Variants in PSME4 observed in about 807,000 individuals in gnomAD.
The protein encoded by PSME4 is proteasome activator subunit 4.
A neutral mutation model predicts 253.9 loss-of-function variants in PSME4; 89 were observed. The ratio of observed to expected loss-of-function variants is 0.35; its 90% CI spans 0.30 to 0.42. The LOEUF is 0.42. PSME4 is among the 10% of genes least tolerant of loss of function. The pLI, the probability that PSME4 is intolerant of heterozygous loss-of-function variation, is 1.00. For synonymous variants in PSME4, 851 were observed against 759.2 expected, an observed-to-expected ratio of 1.12 and a Z score of -1.99; for missense variants, 2,014 against 2,195.2, an observed-to-expected ratio of 0.92 and a Z score of 1.65.
At chr2:53,951,700 C>T (rs1304303297) in intron 1 of PSME4, among the ~76,000 whole-genome samples, 1 of 152,182 alleles carries the variant, frequency 6.6e-6, no homozygotes, top group Non-Finnish European at 1.5e-5. Context: ...AAAGGAAATG[C>T]TCATGGAGTT....
rs185541744 is a variant in PSME4, at chr2:53,966,703, G to T, written c.242+3840C>A. On this transcript the variant is annotated intron_variant, in intron 1 of 46. Transcript: ENST00000404125. ...AGAGGGCAAAATCAAGTTTTTTGGG[G>T]TTTTTTTCTTTGTTGTTGTTTTTAA... is the stretch of plus-strand genomic sequence containing the variant. Among the ~76,000 whole-genome samples the T allele has an allele frequency of 3.9e-5, 6 of 152,162 alleles. No homozygotes were observed. The East Asian group carries it at 7.7e-4, about 20-fold the overall frequency.
intron 41 of PSME4, among the ~76,000 whole-genome samples, chr2:53,877,650 G>A (rs555492299): frequency 6.6e-6 from 1 of 152,200 alleles, no homozygotes; most frequent in South Asian, 2.1e-4. Context: ...CAAGGGTGGG[G>A]GATTCTTTCT....
Position 53,897,969 on chromosome 2 carries a change from C to T in PSME4, c.3507G>A (p.Gly1169=). 1.2e-6 allele frequency: 2 copies of T among 1,613,656 alleles called. No individual in the cohort carries two copies. Among genetic ancestry groups the T allele is most frequent in the Non-Finnish European group, 1.7e-6 (2 of 1,179,666 alleles). ...CATCTCTCAGCAGTAGAGACAGAAG[C>T]CCAATGCCTATATGTTCAAATTTCC... is the stretch of plus-strand genomic sequence containing the variant. ...LPWKFEHIGI[G]LLSLLLRDDR... The change falls in exon 31 of 47, where the codon GGG becomes GGA. Residue 1169 remains glycine (G), a synonymous_variant. Transcript: ENST00000404125.
At chr2:53,900,696 T>C (rs1680356926) in intron 28 of PSME4, among the ~76,000 whole-genome samples, 1 of 152,190 alleles carries the variant, frequency 6.6e-6, no homozygotes, top group African/African-American at 2.4e-5. Flanking sequence ...TAAAGTATAA[T>C]CTAATGACAG....
chr2:53,920,243 A>G lies in PSME4; in HGVS notation c.2370T>C (p.Pro790=), dbSNP rs1668236739. Residue 790 remains proline, a synonymous_variant, in exon 19 of 47, where the codon CCT becomes CCC. Coordinates refer to ENST00000404125, the MANE Select transcript of PSME4 (RefSeq NM_014614.3). ...AFYLLDSFLQ[P]ELVKLQHCGD... is the part of the protein sequence containing the mutation. ...CACAATGCTGGAGTTTGACGAGCTC[A>G]GGCTGAAGAAAGGAGTCCAAAAGAT... is the stretch of plus-strand genomic sequence containing the variant. 1 of 1,613,778 alleles carries G rather than the reference A, an allele frequency of 6.2e-7. No individual in the cohort carries two copies. The highest frequency in any genetic ancestry group is 8.5e-7 in the Non-Finnish European group (1 of 1,179,768).
At chr2:53,950,598 T>C (rs946431902) in intron 1 of PSME4, among the ~76,000 whole-genome samples, 2 of 151,800 alleles carry the variant, frequency 1.3e-5, no homozygotes, top group Non-Finnish European at 2.9e-5. Flanking sequence ...TCCCAGCACT[T>C]TGGGAGGCCG....
chr2:53,923,913 C>CAAAAAAAAAAAAAAAAAAAAAAA (rs199929436), intron 14 of PSME4, among the ~76,000 whole-genome samples: 1 of 96,878 alleles, frequency 1.0e-5, no homozygotes, highest in Non-Finnish European at 2.0e-5. Flanking sequence ...ACAGAGTTAA[C>CAAAAAAAAAAAAAAAAAAAAAAA]AAAAAAAAAA....
intron 35 of PSME4, 91 bp downstream of exon 35, chr2:53,893,583 G>C: frequency 6.4e-7 from 1 of 1,558,726 alleles, no homozygotes; most frequent in Non-Finnish European, 8.6e-7. Context: ...AAGGCAGATG[G>C]CTAGCTTTGA....
chr2:53,909,035 T>A (rs921820051), intron 21 of PSME4, among the ~76,000 whole-genome samples, 195 bp from the exon 22 acceptor site: 1 of 152,058 alleles, frequency 6.6e-6, no homozygotes, highest in African/African-American at 2.4e-5. Flanking sequence ...GACCTGCTTA[T>A]GAGATGTCTA....
intron 38 of PSME4, 148 bp downstream of exon 38, chr2:53,888,573 T>C (rs1679745946): frequency 5.7e-6 from 3 of 523,656 alleles, no homozygotes; most frequent in Non-Finnish European, 1.0e-5. Context: ...AAGTATCACA[T>C]GTTATATGGA....
chr2:53,923,521 T>A, intron 14 of PSME4, 102 bp from the exon 15 acceptor site: 1 of 1,374,430 alleles, frequency 7.3e-7, no homozygotes, highest in Non-Finnish European at 9.6e-7. Flanking sequence ...ATTCCAAAAA[T>A]AAGCCCATAG....
chr2:53,898,709 T>C (rs1462155690), intron 29 of PSME4, among the ~76,000 whole-genome samples: 1 of 151,692 alleles, frequency 6.6e-6, no homozygotes, highest in Non-Finnish European at 1.5e-5. Flanking sequence ...AGGTAGGCTA[T>C]AAGAGTTTAT....
intron 39 of PSME4, among the ~76,000 whole-genome samples, 157 bp downstream of exon 39, chr2:53,887,701 G>A (rs1303805767): frequency 6.6e-6 from 1 of 151,978 alleles, no homozygotes; most frequent in Admixed American, 6.6e-5. Context: ...CATTCAGAGT[G>A]TTTCATCTTG....
Position 53,893,621 on chromosome 2 carries a change from G to A in PSME4, c.4038+53C>T, listed in dbSNP as rs554659881. 9.1e-5 allele frequency: 145 copies of A among 1,587,196 alleles called. 1 individual carries two copies. The African/African-American group carries it at 1.1e-3, about 12-fold the overall frequency. On this transcript the variant is annotated intron_variant, in intron 35 of 46. Transcript: ENST00000404125. ...AAATATTTATAAGTTATGAACCTAC[G>A]AACTGAATAGTTACTAAGCATTACA... is the stretch of plus-strand genomic sequence containing the variant.
At chr2:53,888,603 C>T in intron 38 of PSME4, 118 bp downstream of exon 38, 1 of 646,662 alleles carries the variant, frequency 1.5e-6, no homozygotes, top group Non-Finnish European at 2.6e-6. Flanking sequence ...CATCACCTTC[C>T]AGAAGAAAGT....
chr2:53,934,536 C>T (rs1669015177), intron 8 of PSME4, 69 bp downstream of exon 8: 1 of 1,492,498 alleles, frequency 6.7e-7, no homozygotes, highest in South Asian at 1.3e-5. Context: ...CTGCGACTAT[C>T]CACAATTTTT....
At chr2:53,968,839 G>C (rs1670873806) in intron 1 of PSME4, among the ~76,000 whole-genome samples, 1 of 152,104 alleles carries the variant, frequency 6.6e-6, no homozygotes. Flanking sequence ...ACAAAACTCG[G>C]AGTGCTAATT....
Position 53,923,550 on chromosome 2 carries a change from A to G in PSME4, c.1810-131T>C. 4.1e-6 allele frequency: 5 copies of G among 1,218,096 alleles called. No individual in the cohort carries two copies. The Middle Eastern group carries it at 8.4e-4, about 204-fold the overall frequency. 75.5% of individuals were successfully genotyped at this position (1,218,096 alleles called of 1,614,324 possible). Reference sequence around the variant, plus strand: ...CCCATAGGCAATTTTTAACCATCTGATTTTATAAGAATTTGTTTAATGATG... The same window carrying G: ...CCCATAGGCAATTTTTAACCATCTGGTTTTATAAGAATTTGTTTAATGATG... On this transcript the variant is annotated intron_variant, in intron 14 of 46. Transcript: ENST00000404125.
At chr2:53,891,906 T>TGGACGGAC (rs1558657136) in intron 36 of PSME4, among the ~76,000 whole-genome samples, 2 of 148,312 alleles carry the variant, frequency 1.3e-5, no homozygotes, top group East Asian at 2.0e-4. Flanking sequence ...GATGGACGGA[T>TGGACGGAC]GGATGGACAG....
Sources: gnomAD v4.1 joint callset for allele counts (sites outside exome capture counted in the v4.1 genomes callset) on GRCh38, gnomAD v4.1.1 for gene constraint, MANE v1.5 for transcripts, NCBI Gene and HGNC (gene_info 2026-07-23, HGNC 2026-07-21) for gene names.